Variants in GALNT13 observed in about 807,000 individuals in gnomAD.
The protein encoded by GALNT13 is UDP-GalNAc:polypeptide N-acetylgalactosaminyltransferase 13.
Under a neutral mutation model 64.2 loss-of-function variants are expected in GALNT13, and 28 were observed. The ratio of observed to expected loss-of-function variants is 0.44; its 90% CI spans 0.32 to 0.60. The LOEUF is 0.60. GALNT13 is among the 20% of genes least tolerant of loss of function. The pLI, the probability that GALNT13 is intolerant of heterozygous loss-of-function variation, is 0.05. For synonymous variants in GALNT13, 214 were observed against 224.6 expected, an observed-to-expected ratio of 0.95 and a Z score of 0.42; for missense variants, 577 against 669.8, an observed-to-expected ratio of 0.86 and a Z score of 1.53.
At chr2:153,383,154 A>T in the GALNT13 span, among the ~76,000 whole-genome samples, 1 of 152,144 alleles carries the variant, frequency 6.6e-6, no homozygotes, top group Non-Finnish European at 1.5e-5. Flanking sequence ...GCAAATTTGA[A>T]TTAAATAATT....
chr2:153,475,734 T>G, the GALNT13 span, among the ~76,000 whole-genome samples: 1 of 152,186 alleles, frequency 6.6e-6, no homozygotes, highest in East Asian at 1.9e-4. Flanking sequence ...TTATCCCAAA[T>G]CGAATTCTAC....
intron 3 of GALNT13, among the ~76,000 whole-genome samples, chr2:154,021,854 T>C (rs1359831588): frequency 3.1e-4 from 46 of 149,530 alleles, no homozygotes; most frequent in South Asian, 6.4e-4. Flanking sequence ...TAGATAGCTC[T>C]TATTATTTTG....
chr2:154,179,038 T>C (rs568239865), intron 4 of GALNT13, among the ~76,000 whole-genome samples: 2 of 152,316 alleles, frequency 1.3e-5, no homozygotes, highest in East Asian at 1.9e-4. Flanking sequence ...TACCATGGCG[T>C]TCCCTTTGGT....
intron 3 of GALNT13, among the ~76,000 whole-genome samples, chr2:153,965,997 A>G (rs1693308026): frequency 6.6e-6 from 1 of 151,922 alleles, no homozygotes; most frequent in Non-Finnish European, 1.5e-5. Flanking sequence ...GTTTCAGGGT[A>G]TTCTGTATTT....
chr2:154,094,796 T>C (rs12615781), intron 3 of GALNT13, among the ~76,000 whole-genome samples: 28,992 of 151,808 alleles, frequency 0.19, 5,067 homozygotes, highest in East Asian at 0.74. Flanking sequence ...TACCTTCATC[T>C]TGAATATTTC....
intron 3 of GALNT13, among the ~76,000 whole-genome samples, chr2:153,957,351 C>A (rs1278250828): frequency 2.6e-5 from 4 of 152,124 alleles, no homozygotes; most frequent in African/African-American, 9.7e-5. Context: ...CCTGGAGACC[C>A]CGAACTACCA....
chr2:154,251,691 A>G (rs982294896), intron 7 of GALNT13, among the ~76,000 whole-genome samples: 2 of 152,220 alleles, frequency 1.3e-5, no homozygotes, highest in African/African-American at 4.8e-5. Flanking sequence ...AGTGTGCGGT[A>G]TCCACCAAAC....
intron 4 of GALNT13, among the ~76,000 whole-genome samples, chr2:154,151,750 A>C (rs534085098): frequency 5.3e-5 from 8 of 152,266 alleles, no homozygotes; most frequent in African/African-American, 1.7e-4. Context: ...CTAGGATTGC[A>C]ATCCCTGCCT....
At position 154,361,960 on chromosome 2, in the gene GALNT13, T is replaced by C. The variant is rs139182689; in HGVS notation, c.1157-34031T>C. ...TCTCTCAAGATAACTGGCCCTTGAC[T>C]GCCATACTTGATTTAGTTTGCCCAC... On this transcript the variant is annotated intron_variant, in intron 9 of 12. Coordinates refer to ENST00000392825, the MANE Select transcript of GALNT13 (RefSeq NM_052917.4). Among the ~76,000 whole-genome samples, 510 of 152,230 alleles carry C rather than the reference T, an allele frequency of 3.4e-3. 4 individuals are homozygous for C. The highest frequency in any genetic ancestry group is 0.021 in the South Asian group (102 of 4,822).
intron 4 of GALNT13, among the ~76,000 whole-genome samples, chr2:154,215,731 G>A (rs1688007228): frequency 6.6e-6 from 1 of 151,892 alleles, no homozygotes; most frequent in Admixed American, 6.6e-5. Context: ...TGAATCTCCA[G>A]CTCTTACCAG....
rs904061939 is a variant in GALNT13 at position 153,872,730 on chromosome 2, G to A, written c.-177+427G>A. 1.2e-4 allele frequency among the ~76,000 whole-genome samples: 18 copies of A among 151,532 alleles called. No individual in the cohort carries two copies. In the East Asian group the frequency reaches 3.6e-3, roughly 31 times the overall value. On this transcript the variant is annotated intron_variant, in intron 1 of 12. Transcript: ENST00000392825. Reference sequence around the variant, plus strand: ...AACTTTCTCGCACCAGCTGCAGGCAGCCCCGGCTGCGTTGCGGGCGTTTCT... The same window carrying A: ...AACTTTCTCGCACCAGCTGCAGGCAACCCCGGCTGCGTTGCGGGCGTTTCT...
the GALNT13 span, among the ~76,000 whole-genome samples, chr2:153,720,712 C>T: frequency 6.7e-6 from 1 of 150,068 alleles, no homozygotes; most frequent in Non-Finnish European, 1.5e-5. Context: ...AGGGTATCAG[C>T]AATGGAAGAT....
At chr2:153,291,444 A>C in the GALNT13 span, among the ~76,000 whole-genome samples, 2 of 152,172 alleles carry the variant, frequency 1.3e-5, 1 homozygote, top group Admixed American at 1.3e-4. Flanking sequence ...ATAGTGGAAT[A>C]CAAAACAATA....
At chr2:153,205,781 A>C in the GALNT13 span, among the ~76,000 whole-genome samples, 2 of 152,146 alleles carry the variant, frequency 1.3e-5, no homozygotes, top group Non-Finnish European at 2.9e-5. Flanking sequence ...GTCTATCAAC[A>C]GAAATTATTT....
At chr2:154,443,046 G>T (rs1190442224) in intron 12 of GALNT13, among the ~76,000 whole-genome samples, 1 of 151,996 alleles carries the variant, frequency 6.6e-6, no homozygotes, top group Non-Finnish European at 1.5e-5. Flanking sequence ...TTATTAGAGA[G>T]CAGGTAAATG....
At chr2:154,139,674 G>A (rs1271899925) in intron 3 of GALNT13, among the ~76,000 whole-genome samples, 1 of 150,532 alleles carries the variant, frequency 6.6e-6, no homozygotes, top group Non-Finnish European at 1.5e-5. Context: ...GTATACTTTA[G>A]ATCTAGAAGG....
At chr2:153,750,703 C>A in the GALNT13 span, among the ~76,000 whole-genome samples, 9 of 151,220 alleles carry the variant, frequency 6.0e-5, no homozygotes, top group Non-Finnish European at 1.3e-4. Flanking sequence ...TTTATTTGGA[C>A]CTTTTCTCAT....
chr2:153,938,346 G>C (rs973001951), intron 2 of GALNT13, among the ~76,000 whole-genome samples: 2 of 152,150 alleles, frequency 1.3e-5, no homozygotes, highest in Non-Finnish European at 2.9e-5. Flanking sequence ...TCAGCCATGA[G>C]AAAAAGAAAG....
At chr2:153,464,235 C>G in the GALNT13 span, among the ~76,000 whole-genome samples, 3 of 152,020 alleles carry the variant, frequency 2.0e-5, no homozygotes, top group African/African-American at 7.2e-5. Context: ...CTGAGAAAGT[C>G]CTGAGCACCC....
Sources: allele counts gnomAD v4.1 joint callset (sites outside exome capture counted in the v4.1 genomes callset), GRCh38; gene constraint gnomAD v4.1.1; transcripts MANE v1.5; gene names NCBI Gene and HGNC (gene_info 2026-07-23, HGNC 2026-07-21).